The following BTBD9 variants were observed in gnomAD, a reference collection of about 807,000 sequenced individuals.
The protein encoded by BTBD9 is BTB domain containing 9.
In BTBD9, 49 loss-of-function variants were observed where a neutral mutation model predicts 64.3. The ratio of observed to expected loss-of-function variants is 0.76; its 90% CI spans 0.61 to 0.97. The LOEUF (loss-of-function observed/expected upper bound fraction) is 0.97, where lower values mean the gene tolerates loss of function less well. BTBD9 is among the 50% of genes least tolerant of loss of function. BTBD9 has a pLI of 0.00. For synonymous variants in BTBD9, 260 were observed against 274.7 expected, an observed-to-expected ratio of 0.95 and a Z score of 0.53; for missense variants, 598 against 762.1, an observed-to-expected ratio of 0.78 and a Z score of 2.53.
chr6:38,498,881 T>C (rs1772074319), intron 6 of BTBD9, among the ~76,000 whole-genome samples: 1 of 152,154 alleles, frequency 6.6e-6, no homozygotes, highest in Non-Finnish European at 1.5e-5. Flanking sequence ...CCTAAAGATA[T>C]AAATTCCACA....
chr6:38,583,473 T>G (rs896012602), intron 4 of BTBD9, among the ~76,000 whole-genome samples: 1 of 152,156 alleles, frequency 6.6e-6, no homozygotes, highest in African/African-American at 2.4e-5. Context: ...CACTCCAGCC[T>G]GGATGATAGA....
chr6:38,490,371 A>G (rs565388017), intron 6 of BTBD9, among the ~76,000 whole-genome samples: 1 of 152,232 alleles, frequency 6.6e-6, no homozygotes, highest in East Asian at 1.9e-4. Context: ...CCCAGGCTGG[A>G]GTGCAGTGGC....
At chr6:38,175,257 C>G in intron 10 of BTBD9, 75 bp from the exon 11 acceptor site, 2 of 1,490,792 alleles carry the variant, frequency 1.3e-6, no homozygotes. Flanking sequence ...AGTTGGGATA[C>G]TGCCCTGCCC....
intron 9 of BTBD9, among the ~76,000 whole-genome samples, chr6:38,206,591 G>A (rs1762662419): frequency 6.6e-6 from 1 of 151,946 alleles, no homozygotes; most frequent in South Asian, 2.1e-4. Context: ...GGTGATCATA[G>A]TACACTACAT....
At chr6:38,192,256 C>G (rs1294396756) in intron 10 of BTBD9, among the ~76,000 whole-genome samples, 1 of 152,194 alleles carries the variant, frequency 6.6e-6, no homozygotes. Context: ...TTTGACCTCT[C>G]AAGCCCTCTG....
intron 10 of BTBD9, among the ~76,000 whole-genome samples, chr6:38,181,762 C>T (rs543952053): frequency 1.3e-5 from 2 of 152,246 alleles, no homozygotes; most frequent in South Asian, 2.1e-4. Context: ...CTGAGAGAGG[C>T]GGATCACTTG....
At chr6:38,177,905 A>G (rs188982587) in intron 10 of BTBD9, among the ~76,000 whole-genome samples, 1 of 152,370 alleles carries the variant, frequency 6.6e-6, no homozygotes, top group East Asian at 1.9e-4. Context: ...TTTCTTCTAA[A>G]GAACTCCTAA....
intron 9 of BTBD9, among the ~76,000 whole-genome samples, chr6:38,246,482 T>C (rs1764209218): frequency 6.8e-6 from 1 of 146,980 alleles, no homozygotes; most frequent in African/African-American, 2.5e-5. Context: ...GTGTGTATTG[T>C]CTAAAATCTG....
intron 7 of BTBD9, among the ~76,000 whole-genome samples, chr6:38,312,530 A>G (rs1444964560): frequency 1.3e-5 from 2 of 152,126 alleles, no homozygotes; most frequent in African/African-American, 4.8e-5. Context: ...CTAGCTTTGT[A>G]GTTTGAGAGA....
intron 6 of BTBD9, among the ~76,000 whole-genome samples, chr6:38,412,727 C>T (rs149827675): frequency 6.6e-6 from 1 of 152,142 alleles, no homozygotes; most frequent in African/African-American, 2.4e-5. Context: ...GATGTGATGG[C>T]GTGTGCCTAT....
chr6:38,474,093 T>C lies in BTBD9; in HGVS notation c.1154+103507A>G, dbSNP rs777976242. On this transcript the variant is annotated intron_variant, in intron 6 of 10. Coordinates refer to ENST00000481247, the MANE Select transcript of BTBD9 (RefSeq NM_001099272.2). ...AGTTGGGTTTTATCTCATACTTCCA[T>C]ATAATGAGAAGCTTAATGGGTTATG... Among the ~76,000 whole-genome samples the C allele has an allele frequency of 2.6e-5, 4 of 152,206 alleles. No individual in the cohort carries two copies. The South Asian group carries it at 6.2e-4, about 24-fold the overall frequency.
Position 38,258,071 on chromosome 6 carries a change from C to T in BTBD9, c.1455-1555G>A, listed in dbSNP as rs531966963. Among the ~76,000 whole-genome samples, 4 of 151,990 alleles carry T rather than the reference C, an allele frequency of 2.6e-5. No individual in the cohort carries two copies. In the East Asian group the frequency reaches 5.8e-4, roughly 22 times the overall value. On this transcript the variant is annotated intron_variant, in intron 8 of 10. Coordinates refer to ENST00000481247, the MANE Select transcript of BTBD9 (RefSeq NM_001099272.2). ...CGCGATCTCGGCTCATTGCAACCTC[C>T]GCCTCCCGGGTTCAAGTGATTCTCC...
rs186589097 is a variant in BTBD9 at position 38,552,565 on chromosome 6, G to A, written c.1154+25035C>T. On this transcript the variant is annotated intron_variant, in intron 6 of 10. Coordinates refer to ENST00000481247, the MANE Select transcript of BTBD9 (RefSeq NM_001099272.2). ...GAGGATCACCTGACGTCAAGAGTTC[G>A]AGACCAGGCTGGCCAACATGGTGAA... Among the ~76,000 whole-genome samples, 97 of 151,990 alleles carry A rather than the reference G, an allele frequency of 6.4e-4. 1 individual carries two copies. The highest frequency in any genetic ancestry group is 2.2e-3 in the African/African-American group (93 of 41,464).
At chr6:38,619,723 G>A (rs552618717) in intron 1 of BTBD9, among the ~76,000 whole-genome samples, 17 of 152,182 alleles carry the variant, frequency 1.1e-4, no homozygotes, top group Non-Finnish European at 1.5e-4. Flanking sequence ...CTTTCTCAGT[G>A]TTAATCTGCC....
intron 6 of BTBD9, among the ~76,000 whole-genome samples, chr6:38,379,650 CTG>C (rs1765843238): frequency 6.6e-6 from 1 of 152,086 alleles, no homozygotes. Flanking sequence ...TGGGAGAAAA[CTG>C]TATTTAGATG....
At chr6:38,201,906 GA>G (rs986718698) in intron 9 of BTBD9, among the ~76,000 whole-genome samples, 5 of 152,008 alleles carry the variant, frequency 3.3e-5, no homozygotes, top group Admixed American at 6.6e-5. Context: ...TCTCTACAAC[GA>G]AAACCACAAA....
At chr6:38,599,403 A>G (rs1777170287) in intron 1 of BTBD9, among the ~76,000 whole-genome samples, 1 of 152,154 alleles carries the variant, frequency 6.6e-6, no homozygotes, top group Non-Finnish European at 1.5e-5. Context: ...CTCCCACCTC[A>G]GCCTGCCAAG....
chr6:38,469,307 CTCTT>C (rs953613139), intron 6 of BTBD9, among the ~76,000 whole-genome samples: 1 of 146,984 alleles, frequency 6.8e-6, no homozygotes, highest in African/African-American at 2.5e-5. Context: ...AACCCACTCT[CTCTT>C]TTTTTTTTTC....
intron 6 of BTBD9, among the ~76,000 whole-genome samples, chr6:38,506,153 T>A (rs1357772073): frequency 6.6e-6 from 1 of 152,064 alleles, no homozygotes; most frequent in Non-Finnish European, 1.5e-5. Flanking sequence ...AATAGCCAAA[T>A]CATCTTGATT....
Sources: gnomAD v4.1 joint callset for allele counts (sites outside exome capture counted in the v4.1 genomes callset) on GRCh38, gnomAD v4.1.1 for gene constraint, MANE v1.5 for transcripts, NCBI Gene and HGNC (gene_info 2026-07-23, HGNC 2026-07-21) for gene names.